Variants in MGAT4C observed in about 807,000 individuals in gnomAD.
MGAT4C encodes the protein alpha-1,3-mannosyl-glycoprotein 4-beta-N-acetylglucosaminyltransferase C.
In MGAT4C, 19 loss-of-function variants were observed where a neutral mutation model predicts 40.1. The observed-to-expected ratio is 0.47, with a 90% CI of 0.33 to 0.70. The LOEUF (loss-of-function observed/expected upper bound fraction) is 0.70. MGAT4C is among the 30% of genes least tolerant of loss of function. MGAT4C has a pLI of 0.02. For synonymous variants in MGAT4C, 181 were observed against 187.1 expected, an observed-to-expected ratio of 0.97 and a Z score of 0.27; for missense variants, 491 against 563.2, an observed-to-expected ratio of 0.87 and a Z score of 1.30.
intron 2 of MGAT4C, among the ~76,000 whole-genome samples, chr12:86,538,876 G>A (rs1258707332): frequency 6.6e-6 from 1 of 151,938 alleles, no homozygotes; most frequent in Non-Finnish European, 1.5e-5. Flanking sequence ...CAAAGTACTG[G>A]GATTACAGGC....
intron 1 of MGAT4C, among the ~76,000 whole-genome samples, chr12:86,138,249 T>C (rs935586739): frequency 6.6e-6 from 1 of 151,704 alleles, no homozygotes; most frequent in Non-Finnish European, 1.5e-5. Context: ...TCATTTCTCA[T>C]TGCACTCTAT....
intron 2 of MGAT4C, among the ~76,000 whole-genome samples, chr12:86,472,148 G>A (rs1008756617): frequency 2.0e-5 from 3 of 152,048 alleles, no homozygotes; most frequent in African/African-American, 7.2e-5. Flanking sequence ...AGGATGGAGT[G>A]GAATAAAATG....
chr12:86,303,389 C>A (rs1202891684), intron 4 of MGAT4C, among the ~76,000 whole-genome samples: 1 of 150,226 alleles, frequency 6.7e-6, no homozygotes, highest in Non-Finnish European at 1.5e-5. Context: ...TAAAGGAGAC[C>A]ATTAGCTGCA....
At chr12:86,654,937 G>A (rs1963805900) in intron 2 of MGAT4C, among the ~76,000 whole-genome samples, 1 of 151,914 alleles carries the variant, frequency 6.6e-6, no homozygotes. Flanking sequence ...ATAAATTATA[G>A]AACATGAGTA....
At chr12:86,515,984 T>G (rs1323445211) in intron 2 of MGAT4C, among the ~76,000 whole-genome samples, 2 of 152,034 alleles carry the variant, frequency 1.3e-5, no homozygotes, top group Admixed American at 1.3e-4. Context: ...GACCTCGTGA[T>G]CCGCCCACCT....
chr12:86,716,474 A>C (rs887494931), intron 2 of MGAT4C, among the ~76,000 whole-genome samples: 1 of 152,138 alleles, frequency 6.6e-6, no homozygotes, highest in Non-Finnish European at 1.5e-5. Context: ...CTTGCAAAAA[A>C]GATAGTAACT....
At position 85,976,951 on chromosome 12, in the gene MGAT4C, C is replaced by A. The variant is rs1425809506; in HGVS notation, c.*2338G>T. 1 of 150,962 alleles carries A rather than the reference C, an allele frequency of 6.6e-6. No individual in the cohort carries two copies. The allele number at this position is 150,962 out of a possible 1,614,324, so 9.4% of individuals were successfully genotyped here. A position where few individuals can be genotyped will look rare whatever the true frequency, so the allele number is the denominator to read the frequency against. Reference sequence around the variant, plus strand: ...ATGCTTTATTTGTCAAGGTGTTTTCCTTAGAAAATTGACCCAGTGTCAACT... The same window carrying A: ...ATGCTTTATTTGTCAAGGTGTTTTCATTAGAAAATTGACCCAGTGTCAACT... On this transcript the variant is annotated 3_prime_UTR_variant, in exon 5 of 5. Coordinates refer to ENST00000611864, the MANE Select transcript of MGAT4C (RefSeq NM_001351288.2).
chr12:86,551,237 T>A (rs1959345139), intron 2 of MGAT4C, among the ~76,000 whole-genome samples: 1 of 152,168 alleles, frequency 6.6e-6, no homozygotes, highest in Non-Finnish European at 1.5e-5. Flanking sequence ...GGTCAAGCCC[T>A]GAGGCTGGCC....
chr12:86,606,976 T>C (rs1593038138), intron 2 of MGAT4C, among the ~76,000 whole-genome samples: 1 of 152,250 alleles, frequency 6.6e-6, no homozygotes, highest in Admixed American at 6.5e-5. Flanking sequence ...TATTTTAACA[T>C]TATTCCTGTG....
chr12:86,738,438 T>A (rs1951017242), intron 1 of MGAT4C, among the ~76,000 whole-genome samples: 1 of 151,416 alleles, frequency 6.6e-6, no homozygotes. Context: ...TTGTTTTCCT[T>A]CTAGAATAAA....
At chr12:86,768,164 C>T (rs1007516133) in intron 1 of MGAT4C, among the ~76,000 whole-genome samples, 3 of 152,108 alleles carry the variant, frequency 2.0e-5, no homozygotes, top group South Asian at 2.1e-4. Flanking sequence ...GCAACTTCAG[C>T]AAAGTCTCAG....
intron 1 of MGAT4C, among the ~76,000 whole-genome samples, chr12:86,772,028 G>A (rs1047949273): frequency 6.6e-5 from 10 of 152,138 alleles, no homozygotes; most frequent in African/African-American, 2.4e-4. Flanking sequence ...AAAGGAAGCA[G>A]TATCTGAAGA....
chr12:86,095,520 A>G (rs1592924097), intron 1 of MGAT4C, among the ~76,000 whole-genome samples: 2 of 151,942 alleles, frequency 1.3e-5, no homozygotes, highest in East Asian at 3.9e-4. Flanking sequence ...TGCTTAAATG[A>G]GTTTTTAATG....
chr12:86,061,422 A>G (rs542771858), intron 1 of MGAT4C, among the ~76,000 whole-genome samples: 3 of 150,332 alleles, frequency 2.0e-5, no homozygotes, highest in Admixed American at 2.0e-4. Context: ...CAAGCACAAA[A>G]CTCGGCGGCA....
intron 2 of MGAT4C, among the ~76,000 whole-genome samples, chr12:86,033,768 G>A (rs1890974704): frequency 6.7e-6 from 1 of 149,302 alleles, no homozygotes; most frequent in South Asian, 2.1e-4. Context: ...GATTACTCTG[G>A]CTAAGACTTC....
chr12:86,391,161 G>T (rs376962805), intron 3 of MGAT4C, among the ~76,000 whole-genome samples: 1 of 152,110 alleles, frequency 6.6e-6, no homozygotes, highest in African/African-American at 2.4e-5. Flanking sequence ...TATTTAAGAA[G>T]CTTTTGGATG....
At chr12:86,475,682 T>C (rs1358629828) in intron 2 of MGAT4C, among the ~76,000 whole-genome samples, 2 of 152,020 alleles carry the variant, frequency 1.3e-5, no homozygotes, top group African/African-American at 4.8e-5. Context: ...AATGTCACTA[T>C]AAATAATTTA....
chr12:86,603,442 A>G (rs1212758405), intron 2 of MGAT4C, among the ~76,000 whole-genome samples: 2 of 120,410 alleles, frequency 1.7e-5, no homozygotes, highest in Non-Finnish European at 3.2e-5. Context: ...TATACTATAT[A>G]TAGTCTATAG....
At chr12:86,389,020 T>C (rs1956116712) in intron 3 of MGAT4C, among the ~76,000 whole-genome samples, 1 of 152,098 alleles carries the variant, frequency 6.6e-6, no homozygotes, top group Admixed American at 6.6e-5. Context: ...TCTTCTAGTA[T>C]ATGTAAAGAA....
Sources: gnomAD v4.1 joint callset for allele counts (sites outside exome capture counted in the v4.1 genomes callset) on GRCh38, gnomAD v4.1.1 for gene constraint, MANE v1.5 for transcripts, NCBI Gene and HGNC (gene_info 2026-07-23, HGNC 2026-07-21) for gene names.